The following IQCF1 variants were observed in gnomAD, a reference collection of about 807,000 sequenced individuals.
IQCF1 encodes IQ motif containing F1.
In IQCF1, 9 loss-of-function variants were observed where a neutral mutation model predicts 12.5. The ratio of observed to expected loss-of-function variants is 0.72; its 90% CI spans 0.43 to 1.26. The LOEUF is 1.26. Among genes scored for constraint, IQCF1 ranks in the 50% most tolerant of loss-of-function variants. IQCF1 has a pLI of 0.00. For missense variants in IQCF1, 252 were observed against 257.4 expected (o/e 0.98, Z 0.14); for synonymous variants, 67 against 96.2 (o/e 0.70, Z 1.78).
In IQCF1 at chr3:51,895,410, C is replaced by G. The variant is rs1698992224; in HGVS notation, c.172-74G>C. The G allele has an allele frequency of 2.3e-6, 3 of 1,282,050 alleles. No individual in the cohort carries two copies. Among genetic ancestry groups the G allele is most frequent in the Admixed American group, 4.7e-5 (2 of 42,692 alleles). The allele number at this position is 1,282,050 out of a possible 1,614,324, so 79.4% of individuals were successfully genotyped here. A position where few individuals can be genotyped will look rare whatever the true frequency, so the allele number is the denominator to read the frequency against. On this transcript the variant is annotated intron_variant, in intron 3 of 3. Transcript: ENST00000310914. The surrounding 1 kb of genome is among the most constrained non-coding windows in gnomAD (Gnocchi z 4.8). ...CAGCTCTGGGGTGTGCCAGGAAAGG[C>G]CCTGATTCCCTATCAGCAACTGTCT...
chr3:51,896,755 A>G, intron 3 of IQCF1, 77 bp downstream of exon 3: 6 of 1,115,640 alleles, frequency 5.4e-6, no homozygotes, highest in Non-Finnish European at 8.3e-6. Context: ...CCAGCTTCCC[A>G]TATCATGGTC....
rs7626098 is a variant in IQCF1, at chr3:51,900,325, T to C, written c.108+2660A>G. Among the ~76,000 whole-genome samples the C allele has an allele frequency of 1, 151,934 of 152,346 alleles. 75,763 individuals are homozygous for C. Among genetic ancestry groups the C allele is most frequent in the Middle Eastern group, 1 (294 of 294 alleles). The stretch of plus-strand genomic sequence containing the variant: ...GCCATAGTCCCAGGGGAAAACCCTA[T>C]CAAACTAAAGCTAAGAAGAATTTAA... On this transcript the variant is annotated intron_variant, in intron 2 of 3. Coordinates refer to ENST00000310914, the MANE Select transcript of IQCF1 (RefSeq NM_152397.3). The surrounding 1 kb of genome is among the most constrained non-coding windows in gnomAD (Gnocchi z 4.2).
chr3:51,900,711 T>C lies in IQCF1; in HGVS notation c.108+2274A>G, dbSNP rs1559736270. Among the ~76,000 whole-genome samples the C allele has an allele frequency of 6.6e-6, 1 of 152,190 alleles. No homozygotes were observed. The highest frequency in any genetic ancestry group is 2.4e-5 in the African/African-American group (1 of 41,456). ...AAGGATGGACTGCCCCAACCGGTTT[T>C]TGTAATTTCCTAAAACCATACATTC... On this transcript the variant is annotated intron_variant, in intron 2 of 3. Coordinates refer to ENST00000310914, the MANE Select transcript of IQCF1 (RefSeq NM_152397.3). This position sits in a 1 kb window ranked among gnomAD's most constrained non-coding sequence, Gnocchi z 4.2.
chr3:51,903,019 G>A lies in IQCF1; in HGVS notation c.74C>T (p.Thr25Ile), dbSNP rs772668364. 12 of 1,614,008 alleles carry A rather than the reference G, an allele frequency of 7.4e-6. No homozygotes were observed. The highest frequency in any genetic ancestry group is 1.1e-5 in the South Asian group (1 of 91,086). ...EDEPQQKEMP[T>I]HLSLGAESKA... ...TGACTCTGCTCCTAAGGACAAATGG[G>A]TTGGCATCTCCTTCTGCTGAGGCTC... Residue 25 changes from threonine to isoleucine, a missense_variant, in exon 2 of 4, where the codon ACC (threonine) becomes ATC (isoleucine). Thr to Ile is a moderately conservative substitution (Grantham distance 89). Coordinates refer to ENST00000310914, the MANE Select transcript of IQCF1 (RefSeq NM_152397.3).
In IQCF1 at chr3:51,895,400, C is replaced by T; in HGVS notation, c.172-64G>A. 4 of 1,386,732 alleles carry T rather than the reference C, an allele frequency of 2.9e-6. No individual in the cohort carries two copies. Among genetic ancestry groups the T allele is most frequent in the Non-Finnish European group, 3.0e-6 (3 of 1,013,874 alleles). 85.9% of individuals were successfully genotyped at this position (1,386,732 alleles called of 1,614,324 possible). On this transcript the variant is annotated intron_variant, in intron 3 of 3. Transcript: ENST00000310914. The surrounding 1 kb of genome is among the most constrained non-coding windows in gnomAD (Gnocchi z 4.8). The stretch of plus-strand genomic sequence containing the variant: ...CCACTGGCTTCAGCTCTGGGGTGTG[C>T]CAGGAAAGGCCCTGATTCCCTATCA...
At position 51,895,409 on chromosome 3, in the gene IQCF1, G is replaced by A. The variant is rs1698992201; in HGVS notation, c.172-73C>T. On this transcript the variant is annotated intron_variant, in intron 3 of 3. Coordinates refer to ENST00000310914, the MANE Select transcript of IQCF1 (RefSeq NM_152397.3). The surrounding 1 kb of genome is among the most constrained non-coding windows in gnomAD (Gnocchi z 4.8). Reference sequence around the variant, plus strand: ...TCAGCTCTGGGGTGTGCCAGGAAAGGCCCTGATTCCCTATCAGCAACTGTC... The same window carrying A: ...TCAGCTCTGGGGTGTGCCAGGAAAGACCCTGATTCCCTATCAGCAACTGTC... 1 of 1,317,780 alleles carries A rather than the reference G, an allele frequency of 7.6e-7. No homozygotes were observed. Among genetic ancestry groups the A allele is most frequent in the Admixed American group, 2.3e-5 (1 of 43,406 alleles). 81.6% of individuals were successfully genotyped at this position (1,317,780 alleles called of 1,614,324 possible).
In IQCF1 at chr3:51,900,675, C is replaced by T. The variant is rs1699064830; in HGVS notation, c.108+2310G>A. On this transcript the variant is annotated intron_variant, in intron 2 of 3. Transcript: ENST00000310914. This position sits in a 1 kb window ranked among gnomAD's most constrained non-coding sequence, Gnocchi z 4.2. ...ATAGTTGGTCCAGGGTTCTGTGGAC[C>T]ACTAAAGAGCAAGGATGGACTGCCC... Among the ~76,000 whole-genome samples the T allele has an allele frequency of 1.3e-5, 2 of 152,170 alleles. No individual in the cohort carries two copies. The highest frequency in any genetic ancestry group is 4.8e-5 in the African/African-American group (2 of 41,424).
chr3:51,898,948 G>A (rs1427141098), intron 2 of IQCF1, among the ~76,000 whole-genome samples: 1 of 152,224 alleles, frequency 6.6e-6, no homozygotes, highest in Non-Finnish European at 1.5e-5. Flanking sequence ...AAGCCTTAAA[G>A]TACTTACAGA....
intron 2 of IQCF1, among the ~76,000 whole-genome samples, chr3:51,902,239 TA>T (rs1198466648): frequency 1.3e-5 from 2 of 152,166 alleles, no homozygotes; most frequent in African/African-American, 4.8e-5. Context: ...CAGCACTTAC[TA>T]AAACCTCCCT....
chr3:51,895,356 G>T lies in IQCF1; in HGVS notation c.172-20C>A, dbSNP rs761883140. The T allele has an allele frequency of 7.6e-6, 12 of 1,586,598 alleles. No individual in the cohort carries two copies. Among genetic ancestry groups the T allele is most frequent in the Middle Eastern group, 3.6e-4 (2 of 5,502 alleles). ...TGGGGGCTTTCAAGAAAAAAAGAGG[G>T]ACCTTCAGAGAATGCTCCCCACTGG... On this transcript the variant is annotated intron_variant, in intron 3 of 3. Coordinates refer to ENST00000310914, the MANE Select transcript of IQCF1 (RefSeq NM_152397.3). The surrounding 1 kb of genome is among the most constrained non-coding windows in gnomAD (Gnocchi z 4.8).
rs761732450 is a variant in IQCF1 at position 51,894,970 on chromosome 3, G to C, written c.538C>G (p.Leu180Val). The C allele has an allele frequency of 6.2e-7, 1 of 1,614,256 alleles. No individual in the cohort carries two copies. The highest frequency in any genetic ancestry group is 2.2e-5 in the East Asian group (1 of 44,888). ...AGCAAGATCTCCAGCTGGAGATGCA[G>C]CTGGTTGGCTGTGACTCTGTACTGG... ...KGQYRVTANQ[L>V]HLQLEILLDS... The change falls in exon 4 of 4, where the codon CTG (leucine) becomes GTG (valine). Residue 180 changes from leucine to valine, a missense_variant. By Grantham distance (32) the Leu-to-Val change is conservative. Coordinates refer to ENST00000310914, the MANE Select transcript of IQCF1 (RefSeq NM_152397.3).
chr3:51,899,730 A>G (rs1464692662), intron 2 of IQCF1, among the ~76,000 whole-genome samples: 2 of 152,348 alleles, frequency 1.3e-5, no homozygotes, highest in East Asian at 1.9e-4. Context: ...ATAAAAGGTT[A>G]AAAACAGTCT....
chr3:51,900,239 G>A lies in IQCF1; in HGVS notation c.108+2746C>T, dbSNP rs1022159327. Among the ~76,000 whole-genome samples the A allele has an allele frequency of 1.3e-5, 2 of 152,176 alleles. No individual in the cohort carries two copies. Among genetic ancestry groups the A allele is most frequent in the South Asian group, 2.1e-4 (1 of 4,818 alleles). Reference sequence around the variant, plus strand: ...ACCACCGAGACTGCTGTTGTACAGCGGAAAGGGGATGGACTCACCACACCT... The same window carrying A: ...ACCACCGAGACTGCTGTTGTACAGCAGAAAGGGGATGGACTCACCACACCT... On this transcript the variant is annotated intron_variant, in intron 2 of 3. Transcript: ENST00000310914. This position sits in a 1 kb window ranked among gnomAD's most constrained non-coding sequence, Gnocchi z 4.2.
rs1699058386 is a variant in IQCF1, at chr3:51,900,158, G to A, written c.108+2827C>T. On this transcript the variant is annotated intron_variant, in intron 2 of 3. Coordinates refer to ENST00000310914, the MANE Select transcript of IQCF1 (RefSeq NM_152397.3). The surrounding 1 kb of genome is among the most constrained non-coding windows in gnomAD (Gnocchi z 4.2). Reference sequence around the variant, plus strand: ...CCTGAAGATCACATTCTCATCAAAGGGTGGAAAGAAGGAAAACTGCAGCCA... The same window carrying A: ...CCTGAAGATCACATTCTCATCAAAGAGTGGAAAGAAGGAAAACTGCAGCCA... Among the ~76,000 whole-genome samples, 1 of 151,856 alleles carries A rather than the reference G, an allele frequency of 6.6e-6. No homozygotes were observed. Among genetic ancestry groups the A allele is most frequent in the African/African-American group, 2.4e-5 (1 of 41,308 alleles).
chr3:51,903,344 C>G lies in IQCF1; in HGVS notation c.-72G>C. On this transcript the variant is annotated 5_prime_UTR_variant, in exon 1 of 4. Coordinates refer to ENST00000310914, the MANE Select transcript of IQCF1 (RefSeq NM_152397.3). ...TGTGTTCATCCAGCCATAGCATAGG[C>G]AGGAAGGGTGGAGGAAGAAAGGCCT... The G allele has an allele frequency of 6.4e-7, 1 of 1,562,260 alleles. No homozygotes were observed. The highest frequency in any genetic ancestry group is 8.8e-7 in the Non-Finnish European group (1 of 1,132,784).
intron 2 of IQCF1, 95 bp downstream of exon 2, chr3:51,902,890 A>C: frequency 1.0e-6 from 1 of 979,886 alleles, no homozygotes; most frequent in Admixed American, 1.8e-5. Flanking sequence ...CTTTTGCGGC[A>C]CAGAAACTTC....
At chr3:51,902,666 C>T (rs1559736698) in intron 2 of IQCF1, 1 of 306,054 alleles carries the variant, frequency 3.3e-6, no homozygotes, top group Non-Finnish European at 6.3e-6. Context: ...TTTAAATTAG[C>T]CAATCAGAAT....
chr3:51,897,351 C>T (rs1162631771), intron 2 of IQCF1, among the ~76,000 whole-genome samples: 2 of 152,228 alleles, frequency 1.3e-5, no homozygotes, highest in Non-Finnish European at 2.9e-5. Context: ...GCGCACCCTT[C>T]TATAGAAGTG....
At chr3:51,902,927 A>G in intron 2 of IQCF1, 58 bp downstream of exon 2, 3 of 1,234,884 alleles carry the variant, frequency 2.4e-6, no homozygotes, top group Middle Eastern at 1.9e-4. Context: ...TGCAAAAGAC[A>G]CTAGCTACTA....
Sources: allele counts gnomAD v4.1 joint callset (sites outside exome capture counted in the v4.1 genomes callset), GRCh38; gene constraint gnomAD v4.1.1; non-coding constraint Gnocchi (gnomAD v3.1); transcripts MANE v1.5; gene names NCBI Gene and HGNC (gene_info 2026-07-23, HGNC 2026-07-21).